SDCCAG8: variants seen among roughly 807,000 people sequenced by gnomAD.
The protein encoded by SDCCAG8 is SHH signaling and ciliogenesis regulator SDCCAG8.
SDCCAG8 carries 74 observed loss-of-function variants against 101.8 expected under a neutral mutation model. The observed-to-expected ratio is 0.73, with a 90% CI of 0.60 to 0.88. SDCCAG8 has a LOEUF of 0.88. Among genes scored for constraint, SDCCAG8 ranks in the 40% least tolerant of loss-of-function variants. The probability of loss-of-function intolerance (pLI) is 0.00; values close to 1 mark genes in which losing one functional copy is unlikely to be tolerated. For synonymous variants in SDCCAG8, 281 were observed against 292.9 expected, an observed-to-expected ratio of 0.96 and a Z score of 0.41; for missense variants, 787 against 822.6, an observed-to-expected ratio of 0.96 and a Z score of 0.53.
chr1:243,404,816 T>C (rs1372535511), intron 13 of SDCCAG8, among the ~76,000 whole-genome samples: 1 of 152,074 alleles, frequency 6.6e-6, no homozygotes, highest in Non-Finnish European at 1.5e-5. Context: ...AAAATTCTAC[T>C]ATCTTTATTA....
At position 243,324,093 on chromosome 1, in the gene SDCCAG8, A is replaced by G. The variant is rs138797692; in HGVS notation, c.1069-6447A>G. On this transcript the variant is annotated intron_variant, in intron 9 of 17. Coordinates refer to ENST00000366541, the MANE Select transcript of SDCCAG8 (RefSeq NM_006642.5). ...CACCCACATTATGCCTTTAGCTTTA[A>G]CTGCTCTCCTGAGCCCCAGCCCTAC... is the stretch of plus-strand genomic sequence containing the variant. Among the ~76,000 whole-genome samples, 1,257 of 152,182 alleles carry G rather than the reference A, an allele frequency of 8.3e-3. 7 individuals are homozygous for G. The highest frequency in any genetic ancestry group is 0.027 in the Middle Eastern group (8 of 294).
chr1:243,333,857 G>C (rs550732241), intron 10 of SDCCAG8, among the ~76,000 whole-genome samples: 2 of 152,132 alleles, frequency 1.3e-5, no homozygotes, highest in African/African-American at 2.4e-5. Flanking sequence ...GGAGGTTCTG[G>C]AGTTTAGCAG....
chr1:243,487,271 C>A (rs537874843), intron 16 of SDCCAG8, among the ~76,000 whole-genome samples: 2 of 152,206 alleles, frequency 1.3e-5, no homozygotes, highest in East Asian at 3.9e-4. Context: ...GCCCGGGCCC[C>A]CCCCTGGGGC....
intron 16 of SDCCAG8, among the ~76,000 whole-genome samples, chr1:243,482,376 C>G (rs1476375952): frequency 1.3e-5 from 2 of 152,338 alleles, no homozygotes; most frequent in East Asian, 3.9e-4. Context: ...GTGATTTCAT[C>G]AGCATCTGCC....
intron 6 of SDCCAG8, among the ~76,000 whole-genome samples, chr1:243,298,931 A>G (rs2071229761): frequency 6.6e-6 from 1 of 152,248 alleles, no homozygotes; most frequent in Non-Finnish European, 1.5e-5. Context: ...AATACAGTTC[A>G]GAATTGTGAA....
At chr1:243,407,518 T>G (rs2079871307) in intron 13 of SDCCAG8, among the ~76,000 whole-genome samples, 1 of 152,180 alleles carries the variant, frequency 6.6e-6, no homozygotes, top group African/African-American at 2.4e-5. Flanking sequence ...TAAAAGTAGA[T>G]GGGAATTGTG....
intron 11 of SDCCAG8, 68 bp from the exon 12 acceptor site, chr1:243,344,147 A>G (rs1196217593): frequency 1.6e-6 from 2 of 1,289,402 alleles, no homozygotes; most frequent in Non-Finnish European, 2.3e-6. Flanking sequence ...GGGCACCAAA[A>G]GATCTAATTG....
At chr1:243,420,476 C>A (rs189042558) in intron 15 of SDCCAG8, among the ~76,000 whole-genome samples, 1 of 152,120 alleles carries the variant, frequency 6.6e-6, no homozygotes, top group South Asian at 2.1e-4. Context: ...CATTTTCCGA[C>A]GGACATAAGT....
At position 243,307,983 on chromosome 1, in the gene SDCCAG8, T is replaced by G; in HGVS notation, c.741-6T>G. The G allele has an allele frequency of 6.2e-7, 1 of 1,613,496 alleles. No individual in the cohort carries two copies. On this transcript the variant is annotated splice_region_variant and splice_polypyrimidine_tract_variant and intron_variant, in intron 7 of 17. Transcript: ENST00000366541. ...ATTTTCTAGAATTTTTTCACCCTCT[T>G]TTTAGGAACGACTTAGCTGAATATC... is the stretch of plus-strand genomic sequence containing the variant.
At chr1:243,295,330 C>A (rs935884374) in intron 6 of SDCCAG8, among the ~76,000 whole-genome samples, 4 of 152,102 alleles carry the variant, frequency 2.6e-5, no homozygotes, top group Non-Finnish European at 5.9e-5. Context: ...CTCAGCCTCC[C>A]GGGTGCAAGC....
At chr1:243,323,631 A>G (rs1185906458) in intron 9 of SDCCAG8, among the ~76,000 whole-genome samples, 1 of 152,166 alleles carries the variant, frequency 6.6e-6, no homozygotes, top group African/African-American at 2.4e-5. Context: ...TTTCACTGGC[A>G]GACATCTCAC....
At chr1:243,453,101 A>T (rs913753737) in intron 16 of SDCCAG8, among the ~76,000 whole-genome samples, 2 of 152,076 alleles carry the variant, frequency 1.3e-5, no homozygotes, top group African/African-American at 4.8e-5. Flanking sequence ...TTATCTTATG[A>T]CTCTCCTTTT....
At chr1:243,420,135 G>T (rs544585344) in intron 15 of SDCCAG8, among the ~76,000 whole-genome samples, 1 of 152,304 alleles carries the variant, frequency 6.6e-6, no homozygotes, top group Admixed American at 6.5e-5. Context: ...GTGCAGTAAA[G>T]AACACATGGC....
chr1:243,487,643 G>A (rs1433377841), intron 16 of SDCCAG8, among the ~76,000 whole-genome samples: 1 of 152,168 alleles, frequency 6.6e-6, no homozygotes. Flanking sequence ...ACTTTCTCCA[G>A]AACCTGCGGG....
At chr1:243,438,699 G>A (rs1336770653) in intron 16 of SDCCAG8, among the ~76,000 whole-genome samples, 6 of 152,174 alleles carry the variant, frequency 3.9e-5, no homozygotes, top group Non-Finnish European at 7.4e-5. Context: ...TTTTAAACAA[G>A]GGAAAGACAT....
chr1:243,340,605 A>G (rs534598590), intron 10 of SDCCAG8, among the ~76,000 whole-genome samples: 1 of 152,308 alleles, frequency 6.6e-6, no homozygotes, highest in African/African-American at 2.4e-5. Context: ...ATAGCAGACC[A>G]GTTGCTCTCT....
chr1:243,401,843 A>G (rs2079418810), intron 13 of SDCCAG8, among the ~76,000 whole-genome samples: 1 of 152,146 alleles, frequency 6.6e-6, no homozygotes, highest in Non-Finnish European at 1.5e-5. Flanking sequence ...CTCCTTTCAA[A>G]TCATAGGTGA....
chr1:243,481,714 CAG>C (rs1427780724), intron 16 of SDCCAG8, among the ~76,000 whole-genome samples: 1 of 152,140 alleles, frequency 6.6e-6, no homozygotes. Flanking sequence ...TAGCTGTAGT[CAG>C]AGTGACCACA....
chr1:243,459,222 A>G (rs757815639), intron 16 of SDCCAG8, among the ~76,000 whole-genome samples: 1 of 152,152 alleles, frequency 6.6e-6, no homozygotes, highest in Non-Finnish European at 1.5e-5. Context: ...CCAATTTATG[A>G]TTGAGGAAGT....
Sources: allele counts gnomAD v4.1 joint callset (sites outside exome capture counted in the v4.1 genomes callset), GRCh38; gene constraint gnomAD v4.1.1; transcripts MANE v1.5; gene names NCBI Gene and HGNC (gene_info 2026-07-23, HGNC 2026-07-21).